PDE3B: variants seen among roughly 807,000 people sequenced by gnomAD.
PDE3B encodes phosphodiesterase 3B, also known as cGMP-inhibited 3',5'-cyclic phosphodiesterase 3B.
Under a neutral mutation model 116.8 loss-of-function variants are expected in PDE3B, and 66 were observed. That is an observed-to-expected ratio of 0.56 (90% CI 0.46 to 0.69). PDE3B has a LOEUF of 0.69. PDE3B is among the 30% of genes least tolerant of loss of function. The probability of loss-of-function intolerance (pLI) is 0.00; values close to 1 mark genes in which losing one functional copy is unlikely to be tolerated. For missense variants in PDE3B, 1,384 were observed against 1,368.1 expected, an observed-to-expected ratio of 1.01 and a Z score of -0.18; for synonymous variants, 595 against 533.6, an observed-to-expected ratio of 1.12 and a Z score of -1.59.
At chr11:14,894,299 A>T in the PDE3B span, among the ~76,000 whole-genome samples, 172 of 152,302 alleles carry the variant, frequency 1.1e-3, no homozygotes, top group East Asian at 0.031. Flanking sequence ...GCCAGTGGAG[A>T]TGACACAGGA....
At chr11:14,763,368 C>T (rs1435090684) in intron 1 of PDE3B, among the ~76,000 whole-genome samples, 1 of 151,940 alleles carries the variant, frequency 6.6e-6, no homozygotes, top group Non-Finnish European at 1.5e-5. Flanking sequence ...GTGCCAAAAC[C>T]TGATTAGAGT....
intron 2 of PDE3B, among the ~76,000 whole-genome samples, chr11:14,777,875 G>T (rs11023335): frequency 6.6e-6 from 1 of 152,154 alleles, no homozygotes; most frequent in African/African-American, 2.4e-5. Context: ...CCTGGGAAGC[G>T]CAAGGGGTCG....
chr11:14,675,791 T>A (rs891874525), intron 1 of PDE3B, among the ~76,000 whole-genome samples: 2 of 152,176 alleles, frequency 1.3e-5, no homozygotes, highest in Non-Finnish European at 2.9e-5. Context: ...TACATTCTTA[T>A]GTTGATGAAT....
the PDE3B span, among the ~76,000 whole-genome samples, chr11:14,885,145 T>C: frequency 6.6e-6 from 1 of 152,214 alleles, no homozygotes; most frequent in Non-Finnish European, 1.5e-5. Context: ...AGGACACAAC[T>C]TTAGTAAAAA....
At chr11:14,686,278 A>G in intron 1 of PDE3B, among the ~76,000 whole-genome samples, 1 of 152,128 alleles carries the variant, frequency 6.6e-6, no homozygotes, top group East Asian at 1.9e-4. Flanking sequence ...TATATTTTCA[A>G]CCCTTATGTG....
chr11:14,715,686 A>C (rs888690678), intron 1 of PDE3B, among the ~76,000 whole-genome samples: 1 of 152,174 alleles, frequency 6.6e-6, no homozygotes, highest in Non-Finnish European at 1.5e-5. Context: ...CTAAATATAC[A>C]ATCATGTTAT....
intron 2 of PDE3B, among the ~76,000 whole-genome samples, chr11:14,781,198 G>A (rs898925283): frequency 1.3e-5 from 2 of 152,142 alleles, no homozygotes; most frequent in Non-Finnish European, 2.9e-5. Flanking sequence ...AAAAGTCCAG[G>A]ACCAGACGGA....
At chr11:14,725,935 AAT>A (rs1258306485) in intron 1 of PDE3B, among the ~76,000 whole-genome samples, 1 of 152,116 alleles carries the variant, frequency 6.6e-6, no homozygotes. Context: ...TTACCATGGC[AAT>A]AATGCTCTAT....
chr11:14,675,366 AT>A (rs1443608745), intron 1 of PDE3B, among the ~76,000 whole-genome samples: 2 of 151,836 alleles, frequency 1.3e-5, no homozygotes, highest in Non-Finnish European at 2.9e-5. Context: ...TATTCATTTT[AT>A]TTTTTGCTTA....
At chr11:14,721,880 C>G (rs1264435219) in intron 1 of PDE3B, among the ~76,000 whole-genome samples, 2 of 131,392 alleles carry the variant, frequency 1.5e-5, no homozygotes, top group Non-Finnish European at 3.2e-5. Context: ...ACATATGTAA[C>G]TAACCTGCGC....
chr11:14,872,801 CAAAT>C (rs1315645107), downstream of PDE3B, among the ~76,000 whole-genome samples: 17 of 152,316 alleles, frequency 1.1e-4, no homozygotes, highest in African/African-American at 3.8e-4. Context: ...ACGCATCCCA[CAAAT>C]ACTATATTTT....
chr11:14,677,277 A>G (rs1463344725), intron 1 of PDE3B, among the ~76,000 whole-genome samples: 1 of 152,174 alleles, frequency 6.6e-6, no homozygotes, highest in African/African-American at 2.4e-5. Context: ...AATAAAGGAA[A>G]TGAAGCTTAT....
chr11:14,730,258 C>T (rs948119139), intron 1 of PDE3B, among the ~76,000 whole-genome samples: 1 of 152,284 alleles, frequency 6.6e-6, no homozygotes, highest in Non-Finnish European at 1.5e-5. Context: ...AGGTCACATA[C>T]TAATACTGTA....
rs782734241 is a variant in PDE3B, at chr11:14,869,641, A to G, written c.3320A>G (p.Glu1107Gly). The G allele has an allele frequency of 2.3e-5, 37 of 1,613,734 alleles. No individual in the cohort carries two copies. Among genetic ancestry groups the G allele is most frequent in the Non-Finnish European group, 3.1e-5 (36 of 1,179,838 alleles). The change falls in exon 16 of 16, where the codon GAG (glutamate) becomes GGG (glycine). Residue 1107 changes from glutamate (E) to glycine (G), a missense_variant. Glu to Gly is a moderately conservative substitution (Grantham distance 98). This residue lies in a region of PDE3B where 428 missense variants were observed against 561.4 expected (regional missense o/e 0.76). Transcript: ENST00000282096. ...PQADEIQVIE[E>G]ADEEE ...GCAGATGAGATTCAGGTAATTGAAG[A>G]GGCAGATGAAGAGGAATAGCGACAG... is the stretch of plus-strand genomic sequence containing the variant.
intron 1 of PDE3B, among the ~76,000 whole-genome samples, chr11:14,691,538 G>A (rs899572482): frequency 2.0e-5 from 3 of 152,078 alleles, no homozygotes; most frequent in Non-Finnish European, 4.4e-5. Flanking sequence ...GTACAGAATT[G>A]TCAGGTAGGA....
chr11:14,893,589 G>T, the PDE3B span, among the ~76,000 whole-genome samples: 3 of 152,128 alleles, frequency 2.0e-5, no homozygotes, highest in Admixed American at 6.6e-5. Context: ...GTCTTTTTCA[G>T]CTTCTAGAGG....
intron 7 of PDE3B, among the ~76,000 whole-genome samples, chr11:14,829,145 G>T (rs1859794415): frequency 6.6e-6 from 1 of 152,122 alleles, no homozygotes; most frequent in Non-Finnish European, 1.5e-5. Context: ...ACACACTGGG[G>T]CCTGTCAGAG....
At chr11:14,839,408 T>C (rs1268850177) in intron 11 of PDE3B, among the ~76,000 whole-genome samples, 1 of 152,254 alleles carries the variant, frequency 6.6e-6, no homozygotes, top group Non-Finnish European at 1.5e-5. Flanking sequence ...GATGCAGGAA[T>C]GGTGATTTCC....
At chr11:14,690,159 T>C (rs1481779394) in intron 1 of PDE3B, among the ~76,000 whole-genome samples, 2 of 152,118 alleles carry the variant, frequency 1.3e-5, no homozygotes, top group African/African-American at 4.8e-5. Flanking sequence ...TGCATCACAT[T>C]AGAAGTACGT....
Sources: gnomAD v4.1 joint callset for allele counts (sites outside exome capture counted in the v4.1 genomes callset) on GRCh38, gnomAD v4.1.1 for gene constraint, gnomAD v4.1.1 regional missense constraint, MANE v1.5 for transcripts, NCBI Gene and HGNC (gene_info 2026-07-23, HGNC 2026-07-21) for gene names.